The following SOX6 variants were observed in gnomAD, a reference collection of about 807,000 sequenced individuals.
SOX6 encodes transcription factor SOX-6.
A neutral mutation model predicts 97.8 loss-of-function variants in SOX6; 11 were observed. That is an observed-to-expected ratio of 0.11 (90% CI 0.07 to 0.19). SOX6 has a LOEUF of 0.19. Among genes scored for constraint, SOX6 ranks in the 10% least tolerant of loss-of-function variants. The pLI, the probability that SOX6 is intolerant of heterozygous loss-of-function variation, is 1.00. For synonymous variants in SOX6, 360 were observed against 371.4 expected (o/e 0.97, Z 0.35); for missense variants, 810 against 1,039.5 (o/e 0.78, Z 3.04).
intron 9 of SOX6, among the ~76,000 whole-genome samples, chr11:16,080,859 C>T (rs962632198): frequency 1.3e-5 from 2 of 152,002 alleles, no homozygotes. Flanking sequence ...AGAAAGAGGC[C>T]CTTTGTTAAC....
chr11:16,225,495 C>CA (rs1852660450), intron 4 of SOX6, among the ~76,000 whole-genome samples: 1 of 105,948 alleles, frequency 9.4e-6, no homozygotes, highest in African/African-American at 3.3e-5. Flanking sequence ...AAAAAAAAAA[C>CA]AGAGTATTCT....
At chr11:16,554,786 T>C (rs1484071214) in intron 4 of SOX6, among the ~76,000 whole-genome samples, 1 of 151,828 alleles carries the variant, frequency 6.6e-6, no homozygotes, top group Admixed American at 6.6e-5. Context: ...TTCCAATAAA[T>C]CTTACATGTG....
At chr11:16,008,037 C>A (rs1364953210) in intron 13 of SOX6, among the ~76,000 whole-genome samples, 2 of 152,040 alleles carry the variant, frequency 1.3e-5, no homozygotes, top group Non-Finnish European at 2.9e-5. Flanking sequence ...TCCTCAGATG[C>A]CCAAGTCCCT....
intron 3 of SOX6, among the ~76,000 whole-genome samples, chr11:16,658,226 G>A (rs979622599): frequency 6.6e-6 from 1 of 152,026 alleles, no homozygotes; most frequent in African/African-American, 2.4e-5. Flanking sequence ...GGTTCTACCT[G>A]GTATTTCCGT....
chr11:16,697,659 A>ATTTTCTACTTACTTTGC (rs1848064145), intron 3 of SOX6, among the ~76,000 whole-genome samples: 1 of 152,202 alleles, frequency 6.6e-6, no homozygotes, highest in Non-Finnish European at 1.5e-5. Context: ...CCATTAAAGG[A>ATTTTCTACTTACTTTGC]TCACTATGTT....
intron 4 of SOX6, among the ~76,000 whole-genome samples, chr11:16,499,259 A>G (rs996304268): frequency 2.0e-5 from 3 of 152,208 alleles, no homozygotes; most frequent in Non-Finnish European, 2.9e-5. Context: ...TTTGAAACCA[A>G]CGAGAACAAA....
At chr11:16,523,594 C>A (rs1861106570) in intron 4 of SOX6, among the ~76,000 whole-genome samples, 1 of 151,962 alleles carries the variant, frequency 6.6e-6, no homozygotes, top group Admixed American at 6.6e-5. Flanking sequence ...AGAGCAAACA[C>A]ATTCAAAAGC....
At chr11:16,408,405 C>T (rs1295095788) in intron 1 of SOX6, among the ~76,000 whole-genome samples, 4 of 138,014 alleles carry the variant, frequency 2.9e-5, no homozygotes, top group Admixed American at 2.8e-4. Context: ...ATTGTCTCTA[C>T]ATATCCATTC....
intron 1 of SOX6, among the ~76,000 whole-genome samples, chr11:16,428,666 C>T (rs972746467): frequency 2.0e-5 from 3 of 152,088 alleles, no homozygotes; most frequent in African/African-American, 7.2e-5. Flanking sequence ...GAGGGCTCTG[C>T]TCTGTTCCAT....
At chr11:16,010,383 A>C (rs913826052) in intron 13 of SOX6, among the ~76,000 whole-genome samples, 1 of 152,082 alleles carries the variant, frequency 6.6e-6, no homozygotes, top group Non-Finnish European at 1.5e-5. Flanking sequence ...AGGGTCCAAC[A>C]GTCTGGCCAA....
chr11:16,258,581 G>A (rs1191308097), intron 3 of SOX6, among the ~76,000 whole-genome samples: 2 of 151,884 alleles, frequency 1.3e-5, no homozygotes, highest in Non-Finnish European at 2.9e-5. Context: ...AGAATACAGA[G>A]TATTTTTTTA....
chr11:16,191,782 G>A (rs916881350), intron 4 of SOX6, among the ~76,000 whole-genome samples: 4 of 151,830 alleles, frequency 2.6e-5, no homozygotes, highest in South Asian at 4.2e-4. Flanking sequence ...CACAGTGTGC[G>A]CCTGACACTC....
intron 2 of SOX6, among the ~76,000 whole-genome samples, chr11:16,339,777 A>C (rs556817134): frequency 1.6e-4 from 24 of 152,226 alleles, no homozygotes; most frequent in African/African-American, 5.8e-4. Context: ...TAAAAATGAA[A>C]CATCGCTCCA....
intron 1 of SOX6, among the ~76,000 whole-genome samples, chr11:16,451,064 C>G (rs779420718): frequency 6.6e-6 from 1 of 151,866 alleles, no homozygotes; most frequent in Non-Finnish European, 1.5e-5. Context: ...AACACTGTCT[C>G]TACAAAAAAA....
intron 3 of SOX6, among the ~76,000 whole-genome samples, chr11:16,713,915 C>T (rs565362685): frequency 2.6e-5 from 4 of 152,264 alleles, no homozygotes; most frequent in Non-Finnish European, 4.4e-5. Context: ...GTTTTACTTC[C>T]CCACTAAGCA....
At chr11:16,150,967 T>C (rs1027241024) in intron 6 of SOX6, among the ~76,000 whole-genome samples, 8 of 152,154 alleles carry the variant, frequency 5.3e-5, no homozygotes, top group Non-Finnish European at 1.2e-4. Flanking sequence ...GCTTCTTTTA[T>C]TGGGAGGCTA....
In SOX6 at chr11:16,310,888, T is replaced by C. The variant is rs574781256; in HGVS notation, c.445+7558A>G. 2.5e-4 allele frequency among the ~76,000 whole-genome samples: 38 copies of C among 152,168 alleles called. 2 individuals carry two copies. The highest frequency in any genetic ancestry group is 8.9e-4 in the African/African-American group (37 of 41,558). ...ACAAATTTTGCCTTAAAAATTATTG[T>C]GATGTTCTCACAGGGTGTGAATGTT... On this transcript the variant is annotated intron_variant, in intron 3 of 15. Coordinates refer to ENST00000683767, the MANE Select transcript of SOX6 (RefSeq NM_001367873.1).
chr11:16,599,853 G>A (rs1266320297), intron 4 of SOX6, among the ~76,000 whole-genome samples: 1 of 152,076 alleles, frequency 6.6e-6, no homozygotes, highest in Non-Finnish European at 1.5e-5. Flanking sequence ...AATAAAATAT[G>A]AGTGATATAT....
intron 1 of SOX6, among the ~76,000 whole-genome samples, chr11:16,461,488 C>A (rs906752518): frequency 6.6e-6 from 1 of 152,094 alleles, no homozygotes; most frequent in Non-Finnish European, 1.5e-5. Flanking sequence ...AATTTTCTAG[C>A]CTATACATAC....
Sources: allele counts gnomAD v4.1 joint callset (sites outside exome capture counted in the v4.1 genomes callset), GRCh38; gene constraint gnomAD v4.1.1; transcripts MANE v1.5; gene names NCBI Gene and HGNC (gene_info 2026-07-23, HGNC 2026-07-21).